The following ARHGEF3 variants were observed in gnomAD, a reference collection of about 807,000 sequenced individuals.
The protein encoded by ARHGEF3 is 59.8 kDA protein.
A neutral mutation model predicts 63.2 loss-of-function variants in ARHGEF3; 28 were observed. The ratio of observed to expected loss-of-function variants is 0.44; its 90% CI spans 0.33 to 0.61. ARHGEF3 has a LOEUF of 0.61. Ranked by LOEUF, ARHGEF3 falls within the 20% of genes least tolerant of loss-of-function variation. ARHGEF3 has a pLI of 0.03. For synonymous variants in ARHGEF3, 266 were observed against 254.2 expected, an observed-to-expected ratio of 1.05 and a Z score of -0.44; for missense variants, 533 against 659.3, an observed-to-expected ratio of 0.81 and a Z score of 2.10.
chr3:57,024,677 C>T (rs111757959), intron 2 of ARHGEF3, among the ~76,000 whole-genome samples: 3,190 of 152,096 alleles, frequency 0.021, 71 homozygotes, highest in Non-Finnish European at 0.03. Flanking sequence ...TTAGTAGAGA[C>T]GGGGTTTCAC....
In ARHGEF3 at chr3:56,728,194, A is replaced by T. The variant is rs1274482962; in HGVS notation, c.*1076T>A. The stretch of plus-strand genomic sequence containing the variant: ...AGAACATAATTACAATTCTGATTAT[A>T]GCACAGAACCAGAGATGGCAAATTG... On this transcript the variant is annotated 3_prime_UTR_variant, in exon 10 of 10. Coordinates refer to ENST00000296315, the MANE Select transcript of ARHGEF3 (RefSeq NM_019555.3). The T allele has an allele frequency of 2.0e-5, 3 of 152,686 alleles. No individual in the cohort carries two copies. Among genetic ancestry groups the T allele is most frequent in the Non-Finnish European group, 4.4e-5 (3 of 68,062 alleles). The allele number at this position is 152,686 out of a possible 1,614,324, so 9.5% of individuals were successfully genotyped here.
chr3:56,750,158 C>T (rs1157207029), intron 6 of ARHGEF3, among the ~76,000 whole-genome samples: 1 of 152,204 alleles, frequency 6.6e-6, no homozygotes, highest in African/African-American at 2.4e-5. Flanking sequence ...GCAAAGTAAT[C>T]TCCTCTCATT....
At chr3:57,034,056 A>C (rs1305266085) in intron 2 of ARHGEF3, among the ~76,000 whole-genome samples, 1 of 152,060 alleles carries the variant, frequency 6.6e-6, no homozygotes, top group Non-Finnish European at 1.5e-5. Flanking sequence ...AAAGAAAAGT[A>C]AATAAATAAA....
chr3:56,940,844 T>A (rs1180607636), intron 3 of ARHGEF3: 1 of 152,156 alleles, frequency 6.6e-6, no homozygotes, highest in East Asian at 1.9e-4. Flanking sequence ...AATTACTAAG[T>A]CTCTGGTTTT....
chr3:56,767,456 C>A (rs895557315), intron 2 of ARHGEF3, among the ~76,000 whole-genome samples: 1 of 151,416 alleles, frequency 6.6e-6, no homozygotes, highest in African/African-American at 2.4e-5. Context: ...TGGTGGCGGG[C>A]GCCTATAGTC....
intron 2 of ARHGEF3, among the ~76,000 whole-genome samples, chr3:56,987,406 TG>T (rs1701585241): frequency 6.6e-6 from 1 of 152,124 alleles, no homozygotes; most frequent in Admixed American, 6.5e-5. Context: ...GCACCAGCAC[TG>T]GGCTGAGCTC....
chr3:56,924,273 T>C (rs2042223231), intron 3 of ARHGEF3, among the ~76,000 whole-genome samples: 1 of 152,186 alleles, frequency 6.6e-6, no homozygotes, highest in Admixed American at 6.5e-5. Context: ...TCAGCACTCT[T>C]TTTAAAAAAA....
chr3:56,754,617 A>AAGTTTTC (rs1278677709), intron 3 of ARHGEF3, among the ~76,000 whole-genome samples: 1 of 152,266 alleles, frequency 6.6e-6, no homozygotes, highest in African/African-American at 2.4e-5. Context: ...TATAGAAAGG[A>AAGTTTTC]AGTTTTCCAT....
intron 1 of ARHGEF3, among the ~76,000 whole-genome samples, chr3:57,071,113 A>T (rs1705876421): frequency 6.6e-6 from 1 of 152,202 alleles, no homozygotes; most frequent in Admixed American, 6.5e-5. Context: ...ATAAGGATAG[A>T]CATATAGATG....
chr3:56,854,675 G>A (rs1353118606), intron 4 of ARHGEF3, among the ~76,000 whole-genome samples: 1 of 149,698 alleles, frequency 6.7e-6, no homozygotes, highest in African/African-American at 2.5e-5. Context: ...AGATTTGGTG[G>A]GAAACAAGGT....
chr3:56,875,631 C>T (rs1405008495), intron 4 of ARHGEF3, among the ~76,000 whole-genome samples: 1 of 152,224 alleles, frequency 6.6e-6, no homozygotes, highest in Admixed American at 6.5e-5. Flanking sequence ...TTCATCTCAT[C>T]TTCTGCCTTA....
At chr3:57,029,492 G>C (rs966684587) in intron 2 of ARHGEF3, among the ~76,000 whole-genome samples, 10 of 152,148 alleles carry the variant, frequency 6.6e-5, no homozygotes, top group Non-Finnish European at 1.2e-4. Flanking sequence ...CTGGGTGAAG[G>C]CTCAAAGACC....
chr3:56,855,389 A>C (rs183270915), intron 4 of ARHGEF3, among the ~76,000 whole-genome samples: 6 of 152,312 alleles, frequency 3.9e-5, no homozygotes, highest in Non-Finnish European at 7.3e-5. Context: ...CTGATGCAAA[A>C]ACAAGTAGTC....
intron 2 of ARHGEF3, among the ~76,000 whole-genome samples, chr3:57,009,023 C>G (rs1702578352): frequency 6.6e-6 from 1 of 152,218 alleles, no homozygotes; most frequent in Admixed American, 6.5e-5. Flanking sequence ...CATGGGCTAG[C>G]ATTCTCAACA....
chr3:56,962,642 T>C (rs1020864963), intron 2 of ARHGEF3, among the ~76,000 whole-genome samples: 3 of 151,848 alleles, frequency 2.0e-5, no homozygotes, highest in African/African-American at 7.3e-5. Context: ...GTTGGAGGGG[T>C]TGGAGTTGGG....
intron 2 of ARHGEF3, among the ~76,000 whole-genome samples, chr3:57,014,135 C>T (rs1385916017): frequency 2.0e-5 from 3 of 152,082 alleles, no homozygotes; most frequent in Non-Finnish European, 4.4e-5. Flanking sequence ...AGAGCTGTAA[C>T]ACTCAGCGGG....
intron 2 of ARHGEF3, among the ~76,000 whole-genome samples, chr3:56,963,326 T>C (rs1042207723): frequency 2.6e-5 from 4 of 152,206 alleles, no homozygotes; most frequent in African/African-American, 9.6e-5. Flanking sequence ...ACCATTATCA[T>C]TGGTGAGGCT....
intron 4 of ARHGEF3, among the ~76,000 whole-genome samples, chr3:56,826,986 G>T (rs1254370180): frequency 6.6e-6 from 1 of 151,924 alleles, no homozygotes; most frequent in Non-Finnish European, 1.5e-5. Context: ...ATACATCAAA[G>T]ATGTAAATGT....
At chr3:56,885,102 G>A (rs1578758415) in intron 3 of ARHGEF3, among the ~76,000 whole-genome samples, 1 of 152,200 alleles carries the variant, frequency 6.6e-6, no homozygotes, top group African/African-American at 2.4e-5. Flanking sequence ...TAGCAAGCCA[G>A]AGAATGCTGT....
Sources: gnomAD v4.1 joint callset for allele counts (sites outside exome capture counted in the v4.1 genomes callset) on GRCh38, gnomAD v4.1.1 for gene constraint, MANE v1.5 for transcripts, NCBI Gene and HGNC (gene_info 2026-07-23, HGNC 2026-07-21) for gene names.